SLC6A19: variants seen among roughly 807,000 people sequenced by gnomAD.
SLC6A19 encodes sodium-dependent neutral amino acid transporter B(0)AT1.
Under a neutral mutation model 68.3 loss-of-function variants are expected in SLC6A19, and 67 were observed. That is an observed-to-expected ratio of 0.98 (90% confidence interval 0.81 to 1.20). SLC6A19 has a LOEUF of 1.20. SLC6A19 is among the 50% of genes most tolerant of loss of function. The pLI is 0.00. For synonymous variants in SLC6A19, 392 were observed against 374.9 expected (o/e 1.05, Z -0.53); for missense variants, 813 against 851.6 (o/e 0.95, Z 0.56).
In SLC6A19 at chr5:1,219,589, A is replaced by G. The variant is rs1554035332; in HGVS notation, c.1463A>G (p.Tyr488Cys). The change falls in exon 10 of 12, where the codon TAT becomes TGT. Residue 488 changes from tyrosine (Y) to cysteine (C), a missense_variant. Physicochemically the swap from Tyr to Cys is radical, Grantham distance 194 (BLOSUM62 -2). Coordinates refer to ENST00000304460, the MANE Select transcript of SLC6A19 (RefSeq NM_001003841.3). Reference sequence around the variant, plus strand: ...TACTGGCTCTCCCTGCTGGACAGCTATGCCGGCTCCATTCCCCTGCTCATC... The same window carrying G: ...TACTGGCTCTCCCTGCTGGACAGCTGTGCCGGCTCCATTCCCCTGCTCATC... ...GQYWLSLLDS[Y>C]AGSIPLLIIA... 1.9e-6 allele frequency: 3 copies of G among 1,611,648 alleles called. 1 individual carries two copies. Among genetic ancestry groups the G allele is most frequent in the East Asian group, 2.2e-5 (1 of 44,876 alleles).
At chr5:1,219,747 T>C in intron 10 of SLC6A19, 83 bp downstream of exon 10, 1 of 1,579,820 alleles carries the variant, frequency 6.3e-7, no homozygotes, top group East Asian at 2.2e-5. Flanking sequence ...ACCCGGGCTG[T>C]GTTCAGGGTA....
Position 1,221,933 on chromosome 5 carries a change from C to G in SLC6A19, c.*29C>G, listed in dbSNP as rs112225509. ...GGCCCATCCCACGGCGTGCCATACA[C>G]TGGTGTCAGGGAAGGAGGAACCAGC... On this transcript the variant is annotated 3_prime_UTR_variant, in exon 12 of 12. Coordinates refer to ENST00000304460, the MANE Select transcript of SLC6A19 (RefSeq NM_001003841.3). 2.5e-5 allele frequency: 40 copies of G among 1,609,302 alleles called. No homozygotes were observed. The African/African-American group carries it at 3.7e-4, about 15-fold the overall frequency.
At position 1,208,974 on chromosome 5, in the gene SLC6A19, G is replaced by A. The variant is rs1745938870; in HGVS notation, c.343+88G>A. ...CCCGGGCCCAGGGTTCGCCTTGCCG[G>A]CCTCGGTGCCCCTGCTCTGCCTTCC... On this transcript the variant is annotated intron_variant, in intron 2 of 11. Coordinates refer to ENST00000304460, the MANE Select transcript of SLC6A19 (RefSeq NM_001003841.3). 3.4e-6 allele frequency: 5 copies of A among 1,488,432 alleles called. No individual in the cohort carries two copies. In the African/African-American group the frequency reaches 4.2e-5, roughly 12 times the overall value. The allele number at this position is 1,488,432 out of a possible 1,614,324, so 92.2% of individuals were successfully genotyped here.
chr5:1,202,980 T>G (rs1233552571), intron 1 of SLC6A19, among the ~76,000 whole-genome samples: 1 of 152,012 alleles, frequency 6.6e-6, no homozygotes, highest in Non-Finnish European at 1.5e-5. Flanking sequence ...TCCCTGACAG[T>G]CCCCAAGTCT....
Position 1,222,635 on chromosome 5 carries a change from G to A in SLC6A19, c.*731G>A. ...TGCATATTCAGGCAGGTGTGCATTT[G>A]TGCATGCCAGTGTGTATGTATGTGC... On this transcript the variant is annotated 3_prime_UTR_variant, in exon 12 of 12. Coordinates refer to ENST00000304460, the MANE Select transcript of SLC6A19 (RefSeq NM_001003841.3). 3.8e-6 allele frequency: 1 copy of A among 260,076 alleles called. No individual in the cohort carries two copies. The allele number at this position is 260,076 out of a possible 1,614,324, so 16.1% of individuals were successfully genotyped here. A position where few individuals can be genotyped will look rare whatever the true frequency, so the allele number is the denominator to read the frequency against.
chr5:1,216,436 C>T, intron 6 of SLC6A19, 122 bp from the exon 7 acceptor site: 1 of 1,434,268 alleles, frequency 7.0e-7, no homozygotes, highest in Non-Finnish European at 9.7e-7. Flanking sequence ...CCCCGTGTCA[C>T]TCAGTGGCTC....
chr5:1,219,053 C>T lies in SLC6A19; in HGVS notation c.1324C>T (p.Pro442Ser). The change falls in exon 9 of 12, where the codon CCC becomes TCC. Residue 442 changes from proline to serine, a missense_variant. By Grantham distance (74) the Pro-to-Ser change is moderately conservative. Transcript: ENST00000304460. ...TGGGAACATGGAGGGCGTCGTTGTG[C>T]CCCTGCAGGACCTCAGAGTCATCCC... ...MFGNMEGVVV[P>S]LQDLRVIPPK... The T allele has an allele frequency of 6.2e-7, 1 of 1,613,976 alleles. No homozygotes were observed. The highest frequency in any genetic ancestry group is 1.1e-5 in the South Asian group (1 of 91,074).
In SLC6A19 at chr5:1,215,431, T is replaced by A. The variant is rs1746180615; in HGVS notation, c.888-1127T>A. Among the ~76,000 whole-genome samples the A allele has an allele frequency of 6.6e-6, 1 of 152,174 alleles. No homozygotes were observed. Among genetic ancestry groups the A allele is most frequent in the Non-Finnish European group, 1.5e-5 (1 of 68,032 alleles). On this transcript the variant is annotated intron_variant, in intron 6 of 11. Transcript: ENST00000304460. This position sits in a 1 kb window ranked among gnomAD's most constrained non-coding sequence, Gnocchi z 5.1. ...CAGTGCCCTGTCCTCCTGCCCCGGGTGAGCACTGATGCGCTCTCTGCCTCT... is the reference window on the plus strand; with the variant it reads ...CAGTGCCCTGTCCTCCTGCCCCGGGAGAGCACTGATGCGCTCTCTGCCTCT...
At chr5:1,219,416 T>G in intron 9 of SLC6A19, 89 bp from the exon 10 acceptor site, 1 of 1,544,510 alleles carries the variant, frequency 6.5e-7, no homozygotes, top group Non-Finnish European at 8.8e-7. Context: ...CCTGGCCATA[T>G]GTGCAGCCCC....
chr5:1,211,014 C>G (rs549087688), intron 3 of SLC6A19, among the ~76,000 whole-genome samples: 6 of 152,356 alleles, frequency 3.9e-5, no homozygotes, highest in Non-Finnish European at 7.3e-5. Flanking sequence ...CTTCCAGAAC[C>G]CTCTTGCCCA....
At chr5:1,219,874 T>A (rs1746321593) in intron 10 of SLC6A19, among the ~76,000 whole-genome samples, 1 of 152,138 alleles carries the variant, frequency 6.6e-6, no homozygotes, top group Non-Finnish European at 1.5e-5. Context: ...GGGAGCTTTG[T>A]GTTGCTGGGA....
intron 3 of SLC6A19, among the ~76,000 whole-genome samples, chr5:1,211,418 C>T (rs955284120): frequency 1.4e-4 from 21 of 152,234 alleles, no homozygotes; most frequent in African/African-American, 4.6e-4. Flanking sequence ...GGCCCCAGCC[C>T]GGGAGCGCAA....
At chr5:1,217,089 C>A in intron 8 of SLC6A19, 144 bp downstream of exon 8, 1 of 1,351,622 alleles carries the variant, frequency 7.4e-7, no homozygotes, top group Non-Finnish European at 1.0e-6. Context: ...TCTGCTCTGC[C>A]TGGCGTCCAG....
chr5:1,222,286 A>C lies in SLC6A19; in HGVS notation c.*382A>C. The C allele has an allele frequency of 1.8e-6, 1 of 557,462 alleles. No homozygotes were observed. The highest frequency in any genetic ancestry group is 3.2e-6 in the Non-Finnish European group (1 of 316,550). 34.5% of individuals were successfully genotyped at this position (557,462 alleles called of 1,614,324 possible). A position where few individuals can be genotyped will look rare whatever the true frequency, so the allele number is the denominator to read the frequency against. On this transcript the variant is annotated 3_prime_UTR_variant, in exon 12 of 12. Transcript: ENST00000304460. ...TTGCTGCCCGTGTGTGTGCATGTAT[A>C]TATAGACATACATGCCTATGTTGTG...
intron 1 of SLC6A19, among the ~76,000 whole-genome samples, chr5:1,205,219 C>A (rs1745820811): frequency 6.6e-6 from 1 of 152,266 alleles, no homozygotes; most frequent in Non-Finnish European, 1.5e-5. Flanking sequence ...TGGGCGCTGG[C>A]CGCCCCTTTC....
In SLC6A19 at chr5:1,219,001, C is replaced by T. The variant is rs1263144846; in HGVS notation, c.1272C>T (p.Leu424=). The T allele has an allele frequency of 8.1e-6, 13 of 1,614,028 alleles. No homozygotes were observed. The highest frequency in any genetic ancestry group is 2.7e-5 in the African/African-American group (2 of 74,930). ...PLWSVLFFIM[L]FCLGLSSMFG... ...GGTCTGTGCTCTTCTTCATTATGCT[C>T]TTCTGCCTGGGGCTGTCATCTATGT... The change falls in exon 9 of 12, where the codon CTC becomes CTT. Residue 424 remains leucine, a synonymous_variant. Coordinates refer to ENST00000304460, the MANE Select transcript of SLC6A19 (RefSeq NM_001003841.3).
At position 1,218,934 on chromosome 5, in the gene SLC6A19, T is replaced by A. The variant is rs1434569822; in HGVS notation, c.1205T>A (p.Val402Asp). 1 of 1,613,960 alleles carries A rather than the reference T, an allele frequency of 6.2e-7. No homozygotes were observed. The highest frequency in any genetic ancestry group is 8.5e-7 in the Non-Finnish European group (1 of 1,180,004). The change falls in exon 9 of 12, where the codon GTC becomes GAC. Residue 402 changes from valine (V) to aspartate (D), a missense_variant. Physicochemically the swap from Val to Asp is radical, Grantham distance 152. Transcript: ENST00000304460. ...GAGGGCACAGGCCTGGCCTTCATCG[T>A]CTTCACCGAGGCCATCACCAAGATG... is the stretch of plus-strand genomic sequence containing the variant. ...AVEGTGLAFI[V>D]FTEAITKMPL...
In SLC6A19 at chr5:1,224,640, G is replaced by C. The variant is rs564028368; in HGVS notation, c.*2736G>C. On this transcript the variant is annotated 3_prime_UTR_variant, in exon 12 of 12. Coordinates refer to ENST00000304460, the MANE Select transcript of SLC6A19 (RefSeq NM_001003841.3). ...ATGTGTCCACCTGGGCCCCTGCCCTGGGACTCATGGATTTGGAGTTGTGGC... is the reference window on the plus strand; with the variant it reads ...ATGTGTCCACCTGGGCCCCTGCCCTCGGACTCATGGATTTGGAGTTGTGGC... The C allele has an allele frequency of 1.3e-5, 2 of 152,500 alleles. No individual in the cohort carries two copies. Among genetic ancestry groups the C allele is most frequent in the African/African-American group, 4.8e-5 (2 of 41,602 alleles). 9.4% of individuals were successfully genotyped at this position (152,500 alleles called of 1,614,324 possible).
chr5:1,201,731 G>A lies in SLC6A19; in HGVS notation c.81G>A (p.Glu27=). 3.1e-6 allele frequency: 5 copies of A among 1,612,650 alleles called. No homozygotes were observed. The highest frequency in any genetic ancestry group is 3.4e-6 in the Non-Finnish European group (4 of 1,179,914). Residue 27 remains glutamate, a synonymous_variant, in exon 1 of 12, where the codon GAG becomes GAA. Coordinates refer to ENST00000304460, the MANE Select transcript of SLC6A19 (RefSeq NM_001003841.3). ...SLAELETIEQ[E]EASSRPKWDN... The stretch of plus-strand genomic sequence containing the variant: ...CTGAGCTGGAGACCATCGAGCAGGA[G>A]GAGGCCAGCTCCCGGCCGAAGTGGG...
Sources: allele counts gnomAD v4.1 joint callset (sites outside exome capture counted in the v4.1 genomes callset), GRCh38; gene constraint gnomAD v4.1.1; non-coding constraint Gnocchi (gnomAD v3.1); transcripts MANE v1.5; gene names NCBI Gene and HGNC (gene_info 2026-07-23, HGNC 2026-07-21).